Variants in TSHZ3 observed in about 807,000 individuals in gnomAD.
The protein encoded by TSHZ3 is teashirt zinc finger homeobox 3.
Under a neutral mutation model 64.5 loss-of-function variants are expected in TSHZ3, and 10 were observed. The ratio of observed to expected loss-of-function variants is 0.16; its 90% CI spans 0.10 to 0.26. The LOEUF is 0.26. TSHZ3 is among the 10% of genes least tolerant of loss of function. The pLI is 1.00. For missense variants in TSHZ3, 1,242 were observed against 1,421.7 expected, an observed-to-expected ratio of 0.87 and a Z score of 2.03; for synonymous variants, 608 against 593.1, an observed-to-expected ratio of 1.03 and a Z score of -0.36.
chr19:31,173,774 T>A (rs374444129), intron 5 of TSHZ3, among the ~76,000 whole-genome samples: 1 of 152,180 alleles, frequency 6.6e-6, no homozygotes, highest in Non-Finnish European at 1.5e-5. Flanking sequence ...ACAGGATACA[T>A]AGATGTAAAC....
chr19:31,243,582 C>A (rs1975724278), intron 1 of TSHZ3, among the ~76,000 whole-genome samples: 1 of 152,124 alleles, frequency 6.6e-6, no homozygotes, highest in South Asian at 2.1e-4. Context: ...GCCCTGCCGC[C>A]TGCATATGGG....
intron 1 of TSHZ3, among the ~76,000 whole-genome samples, chr19:31,264,035 C>T (rs2145200836): frequency 1.3e-5 from 2 of 152,206 alleles, no homozygotes; most frequent in Admixed American, 1.3e-4. Context: ...GACCAAAGAC[C>T]CCATGTAGAA....
intron 5 of TSHZ3, among the ~76,000 whole-genome samples, chr19:31,198,281 A>G (rs1002933381): frequency 6.6e-6 from 1 of 152,170 alleles, no homozygotes; most frequent in African/African-American, 2.4e-5. Context: ...TAAACCAGAA[A>G]TAGAGGGAAA....
chr19:31,273,511 C>T (rs1195170455), downstream of TSHZ3, among the ~76,000 whole-genome samples: 2 of 152,180 alleles, frequency 1.3e-5, no homozygotes, highest in African/African-American at 2.4e-5. Flanking sequence ...GTACAAATCC[C>T]ATCTCCCTTC....
At chr19:31,179,247 G>C (rs537768445) in intron 5 of TSHZ3, among the ~76,000 whole-genome samples, 23 of 152,174 alleles carry the variant, frequency 1.5e-4, no homozygotes, top group Admixed American at 5.9e-4. Flanking sequence ...CAGGGAAGGA[G>C]CAGTAACCAG....
At chr19:31,265,397 C>CAAAAAAA (rs11432951) in intron 1 of TSHZ3, among the ~76,000 whole-genome samples, 4 of 34,232 alleles carry the variant, frequency 1.2e-4, no homozygotes, top group Non-Finnish European at 1.5e-4. Flanking sequence ...AACTCTGTCT[C>CAAAAAAA]AAAAAAAAAA....
At chr19:31,172,971 G>T (rs10419200) in intron 5 of TSHZ3, among the ~76,000 whole-genome samples, 5 of 152,074 alleles carry the variant, frequency 3.3e-5, no homozygotes, top group Admixed American at 6.5e-5. Context: ...GGGACAGAAG[G>T]TGATGGGGCT....
chr19:31,203,966 A>T (rs527940071), intron 5 of TSHZ3, among the ~76,000 whole-genome samples: 6 of 152,238 alleles, frequency 3.9e-5, no homozygotes, highest in African/African-American at 1.4e-4. Flanking sequence ...GAGAGACCTC[A>T]GGAAACTTAA....
At chr19:31,267,369 A>C (rs4805661) in intron 1 of TSHZ3, among the ~76,000 whole-genome samples, 109,757 of 151,914 alleles carry the variant, frequency 0.72, 40,892 homozygotes, top group African/African-American at 0.92. Flanking sequence ...AAACCATAGG[A>C]CCTCCATGTT....
intron 1 of TSHZ3, among the ~76,000 whole-genome samples, chr19:31,321,280 C>T (rs1916761930): frequency 6.6e-6 from 1 of 152,208 alleles, no homozygotes; most frequent in African/African-American, 2.4e-5. Context: ...ATGGCTCTCA[C>T]TTAAGGCTGA....
At chr19:31,161,337 T>A (rs551013010) in intron 5 of TSHZ3, among the ~76,000 whole-genome samples, 58 of 152,322 alleles carry the variant, frequency 3.8e-4, no homozygotes, top group African/African-American at 1.4e-3. Flanking sequence ...CAGACAACTC[T>A]GAACTAAGGA....
chr19:31,227,814 C>T, intron 4 of TSHZ3, among the ~76,000 whole-genome samples: 1 of 152,342 alleles, frequency 6.6e-6, no homozygotes, highest in East Asian at 1.9e-4. Context: ...ATTCCTACTC[C>T]ACCTTTCAAA....
intron 5 of TSHZ3, among the ~76,000 whole-genome samples, chr19:31,197,397 G>C (rs555918188): frequency 1.2e-4 from 18 of 150,160 alleles, no homozygotes; most frequent in African/African-American, 4.4e-4. Context: ...GCTTCCATTA[G>C]AGAAAATTAG....
chr19:31,250,392 G>T (rs907777658), intron 1 of TSHZ3, among the ~76,000 whole-genome samples: 26 of 152,180 alleles, frequency 1.7e-4, no homozygotes, highest in African/African-American at 6.3e-4. Context: ...ACTATCAAGT[G>T]TGGCTTTTTG....
chr19:31,301,831 C>T lies in TSHZ3; in HGVS notation c.41-22079G>A, dbSNP rs572077814. Among the ~76,000 whole-genome samples, 578 of 152,244 alleles carry T rather than the reference C, an allele frequency of 3.8e-3. 2 individuals carry two copies. The highest frequency in any genetic ancestry group is 0.01 in the Middle Eastern group (3 of 294). On this transcript the variant is annotated intron_variant, in intron 1 of 1. Coordinates refer to ENST00000240587, the MANE Select transcript of TSHZ3 (RefSeq NM_020856.4). ...TCTGCTGTACGTTTTACCTATGCTG[C>T]CTTTGGTAAGGCACACCAAAGGCCC...
chr19:31,276,234 T>C lies in TSHZ3; in HGVS notation c.*313A>G, dbSNP rs1196620954. On this transcript the variant is annotated 3_prime_UTR_variant, in exon 2 of 2. Coordinates refer to ENST00000240587, the MANE Select transcript of TSHZ3 (RefSeq NM_020856.4). ...GGAAAAGGTGTGCCTGATTCCGTTA[T>C]AAATGCTTAATTAAACTGTCTGTTA... is the stretch of plus-strand genomic sequence containing the variant. The C allele has an allele frequency of 8.8e-6, 2 of 226,556 alleles. No individual in the cohort carries two copies. Among genetic ancestry groups the C allele is most frequent in the African/African-American group, 4.5e-5 (2 of 44,350 alleles). 14.0% of individuals were successfully genotyped at this position (226,556 alleles called of 1,614,324 possible).
At chr19:31,194,128 G>A (rs746660651) in intron 5 of TSHZ3, among the ~76,000 whole-genome samples, 6 of 152,120 alleles carry the variant, frequency 3.9e-5, no homozygotes, top group Non-Finnish European at 8.8e-5. Context: ...GCCAAAGTCG[G>A]GAAATCTGAA....
chr19:31,179,746 GTGA>G (rs1358767157), intron 5 of TSHZ3, among the ~76,000 whole-genome samples: 2 of 134,854 alleles, frequency 1.5e-5, no homozygotes, highest in South Asian at 2.5e-4. Flanking sequence ...GGTGGTGGTG[GTGA>G]TGGTGGTGGT....
intron 1 of TSHZ3, among the ~76,000 whole-genome samples, chr19:31,306,863 A>T (rs1041975337): frequency 1.3e-5 from 2 of 152,196 alleles, no homozygotes; most frequent in African/African-American, 2.4e-5. Flanking sequence ...AATGTTTAAT[A>T]ATATTTTTTA....
Sources: allele counts gnomAD v4.1 joint callset (sites outside exome capture counted in the v4.1 genomes callset), GRCh38; gene constraint gnomAD v4.1.1; transcripts MANE v1.5; gene names NCBI Gene and HGNC (gene_info 2026-07-23, HGNC 2026-07-21).